Variants in CMTM4 observed in about 807,000 individuals in gnomAD.
CMTM4 encodes CKLF like MARVEL transmembrane domain containing 4.
A neutral mutation model predicts 19.0 loss-of-function variants in CMTM4; 8 were observed. That is an observed-to-expected ratio of 0.42 (90% confidence interval 0.25 to 0.76). The LOEUF (loss-of-function observed/expected upper bound fraction) is 0.76, where lower values mean the gene tolerates loss of function less well. CMTM4 is among the 30% of genes least tolerant of loss of function. CMTM4 has a pLI of 0.27. For synonymous variants in CMTM4, 106 were observed against 121.1 expected (o/e 0.88, Z 0.82); for missense variants, 228 against 290.2 (o/e 0.79, Z 1.56).
In CMTM4 at chr16:66,619,777, T is replaced by C. The variant is rs2015595542; in HGVS notation, c.*2281A>G. 1 of 985,240 alleles carries C rather than the reference T, an allele frequency of 1.0e-6. No individual in the cohort carries two copies. Among genetic ancestry groups the C allele is most frequent in the Admixed American group, 6.2e-5 (1 of 16,258 alleles). The allele number at this position is 985,240 out of a possible 1,614,324, so 61.0% of individuals were successfully genotyped here. A position where few individuals can be genotyped will look rare whatever the true frequency, so the allele number is the denominator to read the frequency against. ...GTTAATTAAATACAAGGAGAACATT[T>C]ACAAAACCACCGAGGAGCCTCACGG... On this transcript the variant is annotated 3_prime_UTR_variant, in exon 4 of 4. Transcript: ENST00000394106.
At chr16:66,676,826 T>G (rs1033408883) in intron 1 of CMTM4, among the ~76,000 whole-genome samples, 1 of 152,248 alleles carries the variant, frequency 6.6e-6, no homozygotes, top group African/African-American at 2.4e-5. Flanking sequence ...CAGATGTTTA[T>G]AAACTTACTA....
intron 1 of CMTM4, among the ~76,000 whole-genome samples, chr16:66,640,521 GGT>G (rs1459804153): frequency 6.6e-6 from 1 of 152,090 alleles, no homozygotes; most frequent in African/African-American, 2.4e-5. Context: ...GGTGCAGTGA[GGT>G]ATGCGGCTCT....
chr16:66,692,386 G>A (rs866424756), intron 1 of CMTM4, among the ~76,000 whole-genome samples: 8 of 152,298 alleles, frequency 5.3e-5, no homozygotes, highest in Middle Eastern at 3.4e-3. Flanking sequence ...CCGGCCTGTT[G>A]CAAGGTTAAC....
At chr16:66,686,126 G>A (rs1452558167) in intron 1 of CMTM4, among the ~76,000 whole-genome samples, 2 of 151,954 alleles carry the variant, frequency 1.3e-5, no homozygotes, top group South Asian at 2.1e-4. Context: ...GGTGGCACGC[G>A]CCTGTAGTCC....
At chr16:66,608,477 GC>G in the CMTM4 span, 1 of 1,613,052 alleles carries the variant, frequency 6.2e-7, no homozygotes. This position sits in a 1 kb window ranked among gnomAD's most constrained non-coding sequence, Gnocchi z 5.1. Context: ...GAGGACAGGG[GC>G]CCCAGGAGGG....
intron 1 of CMTM4, among the ~76,000 whole-genome samples, chr16:66,653,215 GAC>G (rs2016342598): frequency 6.6e-6 from 1 of 152,124 alleles, no homozygotes; most frequent in South Asian, 2.1e-4. Context: ...TGAGAGTAAG[GAC>G]ACAGCATTTC....
At chr16:66,679,977 A>G (rs1475258996) in intron 1 of CMTM4, among the ~76,000 whole-genome samples, 3 of 152,182 alleles carry the variant, frequency 2.0e-5, no homozygotes, top group Non-Finnish European at 2.9e-5. Context: ...TATTGACCCC[A>G]ATAGGCTTCT....
intron 1 of CMTM4, among the ~76,000 whole-genome samples, chr16:66,688,486 A>G (rs1234171963): frequency 6.6e-6 from 1 of 151,872 alleles, no homozygotes; most frequent in Non-Finnish European, 1.5e-5. Context: ...ATGGCCGATA[A>G]GAGATACGAA....
the CMTM4 span, among the ~76,000 whole-genome samples, chr16:66,598,238 T>A: frequency 2.6e-5 from 4 of 152,212 alleles, no homozygotes; most frequent in Non-Finnish European, 5.9e-5. Flanking sequence ...CATTTCCTGA[T>A]GTCATCCTAT....
At chr16:66,685,651 GTTTGT>G (rs1468393971) in intron 1 of CMTM4, among the ~76,000 whole-genome samples, 1 of 151,912 alleles carries the variant, frequency 6.6e-6, no homozygotes, top group Non-Finnish European at 1.5e-5. Flanking sequence ...TTTCTTTTTT[GTTTGT>G]TTTTTGAGGT....
In CMTM4 at chr16:66,617,773, G is replaced by C. The variant is rs2144771736; in HGVS notation, c.*4285C>G. The C allele has an allele frequency of 1.0e-6, 1 of 1,003,516 alleles. No homozygotes were observed. The highest frequency in any genetic ancestry group is 4.2e-5 in the South Asian group (1 of 23,798). 62.2% of individuals were successfully genotyped at this position (1,003,516 alleles called of 1,614,324 possible). A position where few individuals can be genotyped will look rare whatever the true frequency, so the allele number is the denominator to read the frequency against. On this transcript the variant is annotated 3_prime_UTR_variant, in exon 4 of 4. Coordinates refer to ENST00000394106, the MANE Select transcript of CMTM4 (RefSeq NM_181521.3). ...CCTGTCTGAGATGGCAGCCAAGCCA[G>C]CTTCAGAGTCACCTGCTGGACCCAC... is the stretch of plus-strand genomic sequence containing the variant.
At chr16:66,608,439 G>C in the CMTM4 span, 2 of 1,614,110 alleles carry the variant, frequency 1.2e-6, no homozygotes, top group Non-Finnish European at 1.7e-6. The surrounding 1 kb of genome is among the most constrained non-coding windows in gnomAD (Gnocchi z 5.1). Flanking sequence ...AATGACAAGT[G>C]GCAGGGCTTG....
intron 2 of CMTM4, among the ~76,000 whole-genome samples, chr16:66,630,332 TC>T (rs2015828110): frequency 1.9e-5 from 1 of 52,424 alleles, no homozygotes; most frequent in African/African-American, 7.8e-5. Context: ...CCCCTCCCTC[TC>T]CCTCTCCCCA....
intron 2 of CMTM4, among the ~76,000 whole-genome samples, chr16:66,629,881 A>G (rs1190847747): frequency 6.6e-6 from 1 of 152,218 alleles, no homozygotes; most frequent in Non-Finnish European, 1.5e-5. Context: ...CCATAAGGAC[A>G]GAGGCTCCTG....
In CMTM4 at chr16:66,691,862, T is replaced by C. The variant is rs191789929; in HGVS notation, c.186+4478A>G. Among the ~76,000 whole-genome samples the C allele has an allele frequency of 1.5e-4, 23 of 152,346 alleles. No individual in the cohort carries two copies. The East Asian group carries it at 4.2e-3, about 28-fold the overall frequency. On this transcript the variant is annotated intron_variant, in intron 1 of 3. Coordinates refer to ENST00000394106, the MANE Select transcript of CMTM4 (RefSeq NM_181521.3). ...TTAATTCAAACACATAATTATGTTT[T>C]TGGTGATATTTTCACACAGTTTCTT...
At chr16:66,677,183 GC>G (rs1321097379) in intron 1 of CMTM4, among the ~76,000 whole-genome samples, 1 of 152,188 alleles carries the variant, frequency 6.6e-6, no homozygotes, top group African/African-American at 2.4e-5. Context: ...GCTGCAGTGA[GC>G]CATGATTGTG....
intron 2 of CMTM4, among the ~76,000 whole-genome samples, chr16:66,624,026 C>A (rs565927851): frequency 2.6e-5 from 4 of 152,348 alleles, no homozygotes; most frequent in Non-Finnish European, 5.9e-5. Flanking sequence ...AAGCTTCTTG[C>A]ACAGCATGCA....
rs749806726 is a variant in CMTM4, at chr16:66,636,393, G to A, written c.363+12C>T. 23 of 1,611,416 alleles carry A rather than the reference G, an allele frequency of 1.4e-5. 1 individual carries two copies. The highest frequency in any genetic ancestry group is 5.0e-5 in the Admixed American group (3 of 59,908). ...TGATCCTTTCATGGCCAGAGTGGCC[G>A]CTTGTACTCACTGTCAGATTCCAGT... On this transcript the variant is annotated intron_variant, in intron 2 of 3. Coordinates refer to ENST00000394106, the MANE Select transcript of CMTM4 (RefSeq NM_181521.3).
chr16:66,669,143 T>C (rs980980146), intron 1 of CMTM4, among the ~76,000 whole-genome samples: 1 of 152,160 alleles, frequency 6.6e-6, no homozygotes, highest in Non-Finnish European at 1.5e-5. Context: ...GGAAAACTAC[T>C]CAGCAATGAA....
Sources: gnomAD v4.1 joint callset for allele counts (sites outside exome capture counted in the v4.1 genomes callset) on GRCh38, gnomAD v4.1.1 for gene constraint, Gnocchi (gnomAD v3.1) non-coding constraint, MANE v1.5 for transcripts, NCBI Gene and HGNC (gene_info 2026-07-23, HGNC 2026-07-21) for gene names.